Variants in AGO3 observed in about 807,000 individuals in gnomAD.
The protein encoded by AGO3 is protein argonaute-3.
A neutral mutation model predicts 105.5 loss-of-function variants in AGO3; 16 were observed. That is an observed-to-expected ratio of 0.15 (90% confidence interval 0.10 to 0.23). The LOEUF is 0.23. Ranked by LOEUF, AGO3 falls within the 10% of genes least tolerant of loss-of-function variation. The probability of loss-of-function intolerance (pLI) is 1.00; values close to 1 mark genes in which losing one functional copy is unlikely to be tolerated. For synonymous variants in AGO3, 340 were observed against 367.3 expected, an observed-to-expected ratio of 0.93 and a Z score of 0.85; for missense variants, 534 against 1,088.0, an observed-to-expected ratio of 0.49 and a Z score of 7.16.
chr1:36,070,646 G>A lies in AGO3; in HGVS notation c.*14901G>A, dbSNP rs1298179269. On this transcript the variant is annotated 3_prime_UTR_variant, in exon 19 of 19. Transcript: ENST00000373191. ...AGATGCCAACCTCCCCTTGTTGCAG[G>A]CAGTTGGGCTTTTCCAACTCATTGC... is the stretch of plus-strand genomic sequence containing the variant. 2 of 152,114 alleles carry A rather than the reference G, an allele frequency of 1.3e-5. No homozygotes were observed. The highest frequency in any genetic ancestry group is 3.8e-4 in the East Asian group (2 of 5,198). 9.4% of individuals were successfully genotyped at this position (152,114 alleles called of 1,614,324 possible). A position where few individuals can be genotyped will look rare whatever the true frequency, so the allele number is the denominator to read the frequency against.
At chr1:35,938,004 G>A (rs1403718200) in intron 1 of AGO3, among the ~76,000 whole-genome samples, 5 of 143,274 alleles carry the variant, frequency 3.5e-5, no homozygotes, top group Non-Finnish European at 4.5e-5. Flanking sequence ...TTTTTGAGAC[G>A]GAGTCTTGCT....
At chr1:36,034,789 G>C (rs750549263) in intron 13 of AGO3, among the ~76,000 whole-genome samples, 1 of 152,156 alleles carries the variant, frequency 6.6e-6, no homozygotes, top group Admixed American at 6.6e-5. Flanking sequence ...CACCTACCTG[G>C]AATGTGAAGG....
chr1:35,987,711 T>C (rs553714899), intron 5 of AGO3, among the ~76,000 whole-genome samples: 2 of 150,932 alleles, frequency 1.3e-5, no homozygotes, highest in Non-Finnish European at 2.9e-5. Context: ...TGTGAGAGTA[T>C]GTTTATGTGA....
chr1:35,944,976 G>T (rs1220049625), intron 1 of AGO3, among the ~76,000 whole-genome samples: 1 of 151,900 alleles, frequency 6.6e-6, no homozygotes, highest in Non-Finnish European at 1.5e-5. Context: ...CTAATTTTTT[G>T]TATTTTTGGT....
chr1:35,994,823 A>G (rs1178697498), intron 5 of AGO3, among the ~76,000 whole-genome samples: 1 of 152,216 alleles, frequency 6.6e-6, no homozygotes. Flanking sequence ...GCTGAAAGCT[A>G]CAAAGCATTA....
chr1:35,991,423 A>C (rs1647639462), intron 5 of AGO3, among the ~76,000 whole-genome samples: 1 of 151,860 alleles, frequency 6.6e-6, no homozygotes, highest in Non-Finnish European at 1.5e-5. Context: ...TCTTCTTGAG[A>C]TCACACTTCA....
chr1:36,015,256 T>C (rs534979837), intron 11 of AGO3, among the ~76,000 whole-genome samples: 46 of 152,276 alleles, frequency 3.0e-4, no homozygotes, highest in African/African-American at 1.1e-3. Context: ...TTCCAAAGGA[T>C]GCAGTAAAGA....
At chr1:35,978,714 A>G (rs1557661768) in intron 5 of AGO3, among the ~76,000 whole-genome samples, 2 of 152,138 alleles carry the variant, frequency 1.3e-5, no homozygotes, top group Non-Finnish European at 2.9e-5. Context: ...CACAATACTG[A>G]TGTTGAGGAA....
At chr1:35,977,758 G>A (rs1646979092) in intron 5 of AGO3, among the ~76,000 whole-genome samples, 1 of 151,926 alleles carries the variant, frequency 6.6e-6, no homozygotes, top group Non-Finnish European at 1.5e-5. Flanking sequence ...TTTTGCATAT[G>A]TATGCTTTGT....
rs1173991459 is a variant in AGO3, at chr1:36,043,609, T to G, written c.2274+61T>G. ...AGAACTGTCATTCTTACGTGTATTT[T>G]TTAAATCTCAGAAAAAGGATAAAGA... On this transcript the variant is annotated intron_variant, in intron 17 of 18. Coordinates refer to ENST00000373191, the MANE Select transcript of AGO3 (RefSeq NM_024852.4). 3 of 1,348,292 alleles carry G rather than the reference T, an allele frequency of 2.2e-6. No homozygotes were observed. The African/African-American group carries it at 4.5e-5, about 20-fold the overall frequency. The allele number at this position is 1,348,292 out of a possible 1,614,324, so 83.5% of individuals were successfully genotyped here. A position where few individuals can be genotyped will look rare whatever the true frequency, so the allele number is the denominator to read the frequency against.
Position 36,055,198 on chromosome 1 carries a change from G to A in AGO3, c.2474+53G>A. 4 of 1,532,980 alleles carry A rather than the reference G, an allele frequency of 2.6e-6. No homozygotes were observed. The highest frequency in any genetic ancestry group is 2.7e-6 in the Non-Finnish European group (3 of 1,132,040). The allele number at this position is 1,532,980 out of a possible 1,614,324, so 95.0% of individuals were successfully genotyped here. ...CCCAAATCCCAATATTGTCTGCATG[G>A]TAGGATTTTCAAGTTCCACAAGCTA... is the stretch of plus-strand genomic sequence containing the variant. On this transcript the variant is annotated intron_variant, in intron 18 of 18. Transcript: ENST00000373191. The surrounding 1 kb of genome is among the most constrained non-coding windows in gnomAD (Gnocchi z 4.4).
chr1:36,068,959 A>G lies in AGO3; in HGVS notation c.*13214A>G, dbSNP rs557447081. ...CTTTGAGAGTAGAAAGGGCTCTAGA[A>G]TATGAGCCAGAGACTTGGAATTTAG... On this transcript the variant is annotated 3_prime_UTR_variant, in exon 19 of 19. Coordinates refer to ENST00000373191, the MANE Select transcript of AGO3 (RefSeq NM_024852.4). 6.6e-6 allele frequency: 1 copy of G among 152,358 alleles called. No individual in the cohort carries two copies. Among genetic ancestry groups the G allele is most frequent in the African/African-American group, 2.4e-5 (1 of 41,584 alleles). 9.4% of individuals were successfully genotyped at this position (152,358 alleles called of 1,614,324 possible).
rs537704659 is a variant in AGO3, at chr1:36,028,533, A to T, written c.1591+1235A>T. Among the ~76,000 whole-genome samples, 1,057 of 151,622 alleles carry T rather than the reference A, an allele frequency of 7.0e-3. 10 individuals are homozygous for T. The highest frequency in any genetic ancestry group is 0.024 in the African/African-American group (1,006 of 41,328). ...TTCTTGCGATAGTTTACTGAGAATG[A>T]TGATTTCCAATTTCATCCATGTCCC... is the stretch of plus-strand genomic sequence containing the variant. On this transcript the variant is annotated intron_variant, in intron 12 of 18. Transcript: ENST00000373191.
intron 2 of AGO3, among the ~76,000 whole-genome samples, chr1:35,950,169 C>T (rs1366201769): frequency 3.3e-5 from 5 of 151,662 alleles, no homozygotes; most frequent in Non-Finnish European, 5.9e-5. Flanking sequence ...TGCAGTGAGC[C>T]GACGTCGTGC....
intron 5 of AGO3, among the ~76,000 whole-genome samples, chr1:35,993,603 C>G (rs1343360374): frequency 2.0e-5 from 3 of 152,076 alleles, no homozygotes; most frequent in Non-Finnish European, 4.4e-5. Flanking sequence ...ATTGAATTCA[C>G]AATTCCTCCT....
At position 36,027,308 on chromosome 1, in the gene AGO3, T is replaced by A. The variant is rs1037222779; in HGVS notation, c.1591+10T>A. The A allele has an allele frequency of 6.3e-7, 1 of 1,580,168 alleles. No individual in the cohort carries two copies. On this transcript the variant is annotated intron_variant, in intron 12 of 18. Transcript: ENST00000373191. The surrounding 1 kb of genome is among the most constrained non-coding windows in gnomAD (Gnocchi z 4.0). ...AAGACACCAGTGTATGGTAAGGATA[T>A]CTTAAGACTGCATTTTTCCTCAAGT...
chr1:36,003,709 A>AAAAAAAAAT lies in AGO3; in HGVS notation c.659-631_659-630insAAAAAAATA, dbSNP rs1295618675. Among the ~76,000 whole-genome samples, 26 of 99,428 alleles carry AAAAAAAAAT rather than the reference A, an allele frequency of 2.6e-4. 1 individual carries two copies. The highest frequency in any genetic ancestry group is 9.3e-4 in the African/African-American group (23 of 24,752). The allele number at this position is 99,428 out of a possible 152,430, so 65.2% of individuals were successfully genotyped here. A position where few individuals can be genotyped will look rare whatever the true frequency, so the allele number is the denominator to read the frequency against. ...AAGTCTGTCTCAAAAAAAAAAAAAA[A>AAAAAAAAAT]ATATATATATATATATATATATATA... On this transcript the variant is annotated intron_variant, in intron 5 of 18. Coordinates refer to ENST00000373191, the MANE Select transcript of AGO3 (RefSeq NM_024852.4).
chr1:36,011,390 CAAAG>C (rs1238546142), intron 9 of AGO3, among the ~76,000 whole-genome samples: 3 of 151,570 alleles, frequency 2.0e-5, no homozygotes, highest in East Asian at 1.9e-4. Flanking sequence ...TGTAAAGAGT[CAAAG>C]AAAGTTATTA....
upstream of AGO3, chr1:35,930,974 G>C (rs1176091188): frequency 6.1e-6 from 2 of 329,028 alleles, no homozygotes; most frequent in African/African-American, 4.4e-5. Context: ...CACCTCCCCG[G>C]CGTCCTCCGC....
Sources: allele counts gnomAD v4.1 joint callset (sites outside exome capture counted in the v4.1 genomes callset), GRCh38; gene constraint gnomAD v4.1.1; non-coding constraint Gnocchi (gnomAD v3.1); transcripts MANE v1.5; gene names NCBI Gene and HGNC (gene_info 2026-07-23, HGNC 2026-07-21).